The following SMARCC1 variants were observed in gnomAD, a reference collection of about 807,000 sequenced individuals.
SMARCC1 encodes the protein SWI/SNF related BAF chromatin remodeling complex subunit C1.
Under a neutral mutation model 147.4 loss-of-function variants are expected in SMARCC1, and 43 were observed. The ratio of observed to expected loss-of-function variants is 0.29; its 90% CI spans 0.23 to 0.38. SMARCC1 has a LOEUF of 0.38. SMARCC1 is among the 10% of genes least tolerant of loss of function. The pLI is 1.00. For synonymous variants in SMARCC1, 495 were observed against 484.4 expected (o/e 1.02, Z -0.29); for missense variants, 1,119 against 1,381.1 (o/e 0.81, Z 3.01).
intron 1 of SMARCC1, among the ~76,000 whole-genome samples, chr3:47,781,033 A>T (rs1047174362): frequency 2.6e-5 from 4 of 152,202 alleles, no homozygotes; most frequent in Admixed American, 6.6e-5. Flanking sequence ...CTCCCTTTAG[A>T]ACACTTTACG....
At chr3:47,613,864 G>A (rs1047206549) in intron 25 of SMARCC1, among the ~76,000 whole-genome samples, 4 of 151,690 alleles carry the variant, frequency 2.6e-5, no homozygotes, top group African/African-American at 7.3e-5. Context: ...GTATCCAAGC[G>A]AAATCTAACA....
intron 11 of SMARCC1, among the ~76,000 whole-genome samples, chr3:47,697,697 T>C (rs1474935404): frequency 6.6e-6 from 1 of 151,220 alleles, no homozygotes; most frequent in East Asian, 2.0e-4. Context: ...GAGAAAATGC[T>C]AAGAACAGAA....
intron 11 of SMARCC1, among the ~76,000 whole-genome samples, chr3:47,694,241 C>T (rs1490290526): frequency 2.0e-5 from 3 of 152,128 alleles, no homozygotes; most frequent in Non-Finnish European, 1.5e-5. Flanking sequence ...TGGGTGCATG[C>T]AATTATTTAA....
At chr3:47,682,787 C>T (rs529887111) in intron 14 of SMARCC1, among the ~76,000 whole-genome samples, 2 of 152,184 alleles carry the variant, frequency 1.3e-5, no homozygotes, top group East Asian at 1.9e-4. Flanking sequence ...AAATTGGTGT[C>T]AGCTGACAAA....
intron 24 of SMARCC1, among the ~76,000 whole-genome samples, chr3:47,624,587 A>T (rs1016321422): frequency 1.3e-5 from 2 of 152,218 alleles, no homozygotes; most frequent in African/African-American, 4.8e-5. Context: ...TAGAGAACAG[A>T]CATTCCTGAA....
At position 47,769,210 on chromosome 3, in the gene SMARCC1, C is replaced by CCAA. The variant is rs1553692339; in HGVS notation, c.315+3606_315+3607insTTG. On this transcript the variant is annotated intron_variant, in intron 2 of 27. Coordinates refer to ENST00000254480, the MANE Select transcript of SMARCC1 (RefSeq NM_003074.4). ...TGGATGACAGAGCGAGACTCCGTCT[C>CCAA]AAAAAAAAAAAAAAAAAAAAAAAGG... is the stretch of plus-strand genomic sequence containing the variant. Among the ~76,000 whole-genome samples, 303 of 32,578 alleles carry CCAA rather than the reference C, an allele frequency of 9.3e-3. 49 individuals carry two copies. Among genetic ancestry groups the CCAA allele is most frequent in the South Asian group, 9.9e-3 (6 of 608 alleles). The allele number at this position is 32,578 out of a possible 152,430, so 21.4% of individuals were successfully genotyped here.
intron 25 of SMARCC1, among the ~76,000 whole-genome samples, chr3:47,612,223 G>A (rs1191256184): frequency 2.0e-5 from 3 of 152,198 alleles, no homozygotes; most frequent in South Asian, 4.1e-4. Flanking sequence ...TGTAAAAGGT[G>A]GGGTGGGAAA....
intron 11 of SMARCC1, among the ~76,000 whole-genome samples, chr3:47,700,995 C>G (rs1019522970): frequency 6.6e-6 from 1 of 152,086 alleles, no homozygotes; most frequent in African/African-American, 2.4e-5. Flanking sequence ...GTACGTATTC[C>G]ACTTTTTCAT....
chr3:47,606,352 G>A (rs1308899884), intron 26 of SMARCC1, among the ~76,000 whole-genome samples: 1 of 152,206 alleles, frequency 6.6e-6, no homozygotes, highest in African/African-American at 2.4e-5. Context: ...GGAATCAGAT[G>A]GAGCTCAGTG....
chr3:47,596,698 G>C (rs1339277252), intron 26 of SMARCC1, among the ~76,000 whole-genome samples: 2 of 151,984 alleles, frequency 1.3e-5, no homozygotes, highest in Non-Finnish European at 2.9e-5. Flanking sequence ...GTGTAGCTGG[G>C]GTTACAGGTG....
At chr3:47,690,986 C>A (rs1274730355) in intron 12 of SMARCC1, among the ~76,000 whole-genome samples, 1 of 152,156 alleles carries the variant, frequency 6.6e-6, no homozygotes, top group Non-Finnish European at 1.5e-5. Flanking sequence ...CATAGCATAA[C>A]CAACCTCTTA....
chr3:47,663,763 C>T, intron 19 of SMARCC1: 1 of 1,538,430 alleles, frequency 6.5e-7, no homozygotes, highest in Non-Finnish European at 9.0e-7. Context: ...CGGTGGTACC[C>T]ATAGGTTGCC....
chr3:47,663,717 T>C (rs764322939), intron 19 of SMARCC1: 4 of 1,505,220 alleles, frequency 2.7e-6, no homozygotes, highest in Admixed American at 1.7e-5. Flanking sequence ...CCAGAGAGTT[T>C]CAAGGAAAAG....
At chr3:47,675,640 G>A (rs775929007) in intron 17 of SMARCC1, 52 bp from the exon 18 acceptor site, 1 of 1,014,426 alleles carries the variant, frequency 9.9e-7, no homozygotes, top group East Asian at 2.4e-5. Flanking sequence ...AAGTCAAGAG[G>A]GTAAATGTTT....
In SMARCC1 at chr3:47,693,311, A is replaced by G. The variant is rs2033812300; in HGVS notation, c.1166-11T>C. 2 of 1,481,516 alleles carry G rather than the reference A, an allele frequency of 1.3e-6. No individual in the cohort carries two copies. Among genetic ancestry groups the G allele is most frequent in the African/African-American group, 1.4e-5 (1 of 72,192 alleles). 91.8% of individuals were successfully genotyped at this position (1,481,516 alleles called of 1,614,324 possible). ...CTTTCTTTAGGTTCACTAGAAAAAGAAAAAAAAGAGTTATGTTTATGTGGG... is the reference window on the plus strand; with the variant it reads ...CTTTCTTTAGGTTCACTAGAAAAAGGAAAAAAAGAGTTATGTTTATGTGGG... On this transcript the variant is annotated splice_polypyrimidine_tract_variant and intron_variant, in intron 11 of 27. Transcript: ENST00000254480.
intron 18 of SMARCC1, among the ~76,000 whole-genome samples, 199 bp from the exon 19 acceptor site, chr3:47,670,916 T>G (rs1181349623): frequency 6.6e-6 from 1 of 151,926 alleles, no homozygotes; most frequent in Non-Finnish European, 1.5e-5. Flanking sequence ...CCAGGCGTGG[T>G]AGCTCCTGCC....
intron 6 of SMARCC1, among the ~76,000 whole-genome samples, chr3:47,723,826 TAAAAAGA>T (rs1477858334): frequency 6.6e-6 from 1 of 151,328 alleles, no homozygotes; most frequent in African/African-American, 2.4e-5. Context: ...AATTAAAAAA[TAAAAAGA>T]AAAAAGAAAA....
intron 5 of SMARCC1, among the ~76,000 whole-genome samples, chr3:47,734,991 G>A (rs903542111): frequency 7.2e-5 from 11 of 152,080 alleles, no homozygotes; most frequent in Admixed American, 4.6e-4. Flanking sequence ...TCTTGACCTC[G>A]TGATCCGCCC....
chr3:47,714,377 A>G (rs1451785532), intron 8 of SMARCC1, 38 bp downstream of exon 8: 9 of 1,311,266 alleles, frequency 6.9e-6, no homozygotes, highest in Non-Finnish European at 8.8e-6. Context: ...AAAATTTTAA[A>G]AAGATTATTG....
Sources: gnomAD v4.1 joint callset for allele counts (sites outside exome capture counted in the v4.1 genomes callset) on GRCh38, gnomAD v4.1.1 for gene constraint, MANE v1.5 for transcripts, NCBI Gene and HGNC (gene_info 2026-07-23, HGNC 2026-07-21) for gene names.